The following MAF variants were observed in gnomAD, a reference collection of about 807,000 sequenced individuals.
MAF encodes MAF bZIP transcription factor, also known as transcription factor Maf.
In MAF, 10 loss-of-function variants were observed where a neutral mutation model predicts 22.0. The ratio of observed to expected loss-of-function variants is 0.45; its 90% confidence interval spans 0.28 to 0.77. The LOEUF (loss-of-function observed/expected upper bound fraction) is 0.77, where lower values mean the gene tolerates loss of function less well. Ranked by LOEUF, MAF falls within the 30% of genes least tolerant of loss-of-function variation. The pLI is 0.12. For synonymous variants in MAF, 337 were observed against 255.8 expected (o/e 1.32, Z -3.03); for missense variants, 544 against 548.4 (o/e 0.99, Z 0.08).
chr16:79,539,361 G>A, the MAF span, among the ~76,000 whole-genome samples: 4 of 152,090 alleles, frequency 2.6e-5, no homozygotes, highest in Non-Finnish European at 5.9e-5. Context: ...AAATTGGCCG[G>A]GCTTGGTGGC....
At chr16:79,414,139 G>A in the MAF span, among the ~76,000 whole-genome samples, 2 of 152,144 alleles carry the variant, frequency 1.3e-5, no homozygotes, top group Non-Finnish European at 2.9e-5. Context: ...ACAAACATTG[G>A]CTGAGCTCTT....
chr16:79,291,501 CTTTTCCTT>C, the MAF span, among the ~76,000 whole-genome samples: 3 of 151,870 alleles, frequency 2.0e-5, no homozygotes, highest in African/African-American at 4.8e-5. Flanking sequence ...GTCTCCTTAC[CTTTTCCTT>C]TTTTCCTTTT....
intron 1 of MAF, 164 bp from the exon 2 acceptor site, chr16:79,594,717 A>AAAAAACATG: frequency 7.0e-7 from 1 of 1,434,546 alleles, no homozygotes; most frequent in South Asian, 1.5e-5. Context: ...TGTAAGAAAA[A>AAAAAACATG]AAAAACATGT....
At chr16:79,542,723 G>C in the MAF span, among the ~76,000 whole-genome samples, 1 of 152,156 alleles carries the variant, frequency 6.6e-6, no homozygotes, top group Non-Finnish European at 1.5e-5. Context: ...GACTGGGAGG[G>C]GTTAGCTTCC....
chr16:79,579,895 A>G, the MAF span, among the ~76,000 whole-genome samples: 1 of 152,334 alleles, frequency 6.6e-6, no homozygotes, highest in Non-Finnish European at 1.5e-5. Context: ...AAAGATAGAA[A>G]GAAACATCTT....
the MAF span, among the ~76,000 whole-genome samples, chr16:79,290,066 A>G: frequency 7.2e-5 from 11 of 152,148 alleles, no homozygotes; most frequent in East Asian, 2.1e-3. Flanking sequence ...CATGTTGGCC[A>G]GGCACTGGTC....
chr16:79,356,786 G>C, the MAF span, among the ~76,000 whole-genome samples: 2 of 152,142 alleles, frequency 1.3e-5, no homozygotes, highest in Admixed American at 1.3e-4. Flanking sequence ...CTGGGTCCAA[G>C]GCCACATGCT....
chr16:79,468,164 C>T, the MAF span, among the ~76,000 whole-genome samples: 1 of 152,248 alleles, frequency 6.6e-6, no homozygotes, highest in Admixed American at 6.5e-5. Context: ...TTTCTCTTCC[C>T]GGGCTGCAGA....
At chr16:79,358,139 G>A in the MAF span, among the ~76,000 whole-genome samples, 2 of 152,206 alleles carry the variant, frequency 1.3e-5, no homozygotes, top group Non-Finnish European at 2.9e-5. Context: ...GGGCAGCAGG[G>A]CCAGGAATTT....
the MAF span, among the ~76,000 whole-genome samples, chr16:79,409,856 C>G: frequency 6.6e-6 from 1 of 152,194 alleles, no homozygotes; most frequent in Non-Finnish European, 1.5e-5. Context: ...AGCCACTAGC[C>G]AAACGTGGTG....
the MAF span, among the ~76,000 whole-genome samples, chr16:79,494,049 A>G: frequency 6.6e-6 from 1 of 152,076 alleles, no homozygotes; most frequent in Admixed American, 6.5e-5. Flanking sequence ...CTCCACTGCT[A>G]TTTCCAAAGC....
chr16:79,207,519 ATT>A, the MAF span, among the ~76,000 whole-genome samples: 2 of 152,182 alleles, frequency 1.3e-5, no homozygotes, highest in Non-Finnish European at 2.9e-5. Flanking sequence ...TTAATTCAGC[ATT>A]TGCTGTGCAA....
chr16:79,501,320 T>C, the MAF span, among the ~76,000 whole-genome samples: 1 of 152,154 alleles, frequency 6.6e-6, no homozygotes, highest in Non-Finnish European at 1.5e-5. Context: ...TCATTGGATT[T>C]AGGATCCTCC....
the MAF span, among the ~76,000 whole-genome samples, chr16:79,566,525 C>T: frequency 1.3e-5 from 2 of 152,254 alleles, no homozygotes; most frequent in Admixed American, 6.5e-5. Flanking sequence ...CCAAACCAAC[C>T]ATCTCTGGAG....
chr16:79,339,919 C>T, the MAF span, among the ~76,000 whole-genome samples: 1 of 152,170 alleles, frequency 6.6e-6, no homozygotes, highest in Non-Finnish European at 1.5e-5. Context: ...GTTCTAACTG[C>T]CATTATTTAG....
At chr16:79,250,157 GAGA>G in the MAF span, among the ~76,000 whole-genome samples, 2 of 152,246 alleles carry the variant, frequency 1.3e-5, no homozygotes, top group Non-Finnish European at 1.5e-5. Context: ...TCCCTTTCAG[GAGA>G]AGGACTCCAC....
At chr16:79,436,785 A>G in the MAF span, among the ~76,000 whole-genome samples, 88,206 of 152,014 alleles carry the variant, frequency 0.58, 25,995 homozygotes, top group East Asian at 0.78. Context: ...TGGAAACATG[A>G]GCTGGGTCTC....
At chr16:79,561,112 C>A in the MAF span, among the ~76,000 whole-genome samples, 2 of 152,302 alleles carry the variant, frequency 1.3e-5, no homozygotes, top group Non-Finnish European at 2.9e-5. Flanking sequence ...TCAAATTCCA[C>A]ATGTGATGAA....
At chr16:79,527,325 T>A in the MAF span, among the ~76,000 whole-genome samples, 2 of 152,176 alleles carry the variant, frequency 1.3e-5, no homozygotes, top group Non-Finnish European at 2.9e-5. Flanking sequence ...CTTGCTTAAG[T>A]GAATCTAAAT....
Sources: allele counts gnomAD v4.1 joint callset (sites outside exome capture counted in the v4.1 genomes callset), GRCh38; gene constraint gnomAD v4.1.1; transcripts MANE v1.5; gene names NCBI Gene and HGNC (gene_info 2026-07-23, HGNC 2026-07-21).